PHLDB2: variants seen among roughly 807,000 people sequenced by gnomAD.
The protein encoded by PHLDB2 is pleckstrin homology like domain family B member 2, also known as pleckstrin homology-like domain family B member 2.
PHLDB2 carries 71 observed loss-of-function variants against 123.6 expected under a neutral mutation model. That is an observed-to-expected ratio of 0.57 (90% CI 0.47 to 0.70). The LOEUF (loss-of-function observed/expected upper bound fraction) is 0.70, where lower values mean the gene tolerates loss of function less well. Ranked by LOEUF, PHLDB2 falls within the 30% of genes least tolerant of loss-of-function variation. The pLI is 0.00. For synonymous variants in PHLDB2, 547 were observed against 541.6 expected (o/e 1.01, Z -0.14); for missense variants, 1,446 against 1,519.5 (o/e 0.95, Z 0.80).
chr3:111,849,575 TC>T (rs1343997872), intron 2 of PHLDB2, among the ~76,000 whole-genome samples: 2 of 152,240 alleles, frequency 1.3e-5, no homozygotes, highest in Non-Finnish European at 2.9e-5. Context: ...AAATAGAGCT[TC>T]TTTTGTTTTC....
intron 2 of PHLDB2, among the ~76,000 whole-genome samples, chr3:111,899,071 A>ATCAC (rs1412232512): frequency 6.6e-5 from 10 of 152,222 alleles, no homozygotes; most frequent in Admixed American, 5.2e-4. Context: ...TATCAGCAGA[A>ATCAC]TCACTACCTA....
intron 5 of PHLDB2, among the ~76,000 whole-genome samples, chr3:111,922,755 A>T (rs906184187): frequency 6.6e-6 from 1 of 152,236 alleles, no homozygotes; most frequent in Non-Finnish European, 1.5e-5. Flanking sequence ...CCATTTAATG[A>T]CACAGCTATT....
chr3:111,787,094 A>T (rs1379692818), intron 1 of PHLDB2, among the ~76,000 whole-genome samples: 1 of 152,220 alleles, frequency 6.6e-6, no homozygotes, highest in Non-Finnish European at 1.5e-5. Flanking sequence ...TTTAGTGGTG[A>T]TGACAGCCTA....
chr3:111,885,061 C>T lies in PHLDB2; in HGVS notation c.984C>T (p.Thr328=). The T allele has an allele frequency of 6.2e-7, 1 of 1,614,142 alleles. No homozygotes were observed. Residue 328 remains threonine, a synonymous_variant, in exon 2 of 18, where the codon ACC becomes ACT. Coordinates refer to ENST00000431670, the MANE Select transcript of PHLDB2 (RefSeq NM_001134438.2). ...ASEGNPYVSS[T]LSVPASPRVA... Reference sequence around the variant, plus strand: ...AAGGCAATCCTTATGTAAGTTCTACCCTCAGTGTCCCTGCCAGTCCACGAG... The same window carrying T: ...AAGGCAATCCTTATGTAAGTTCTACTCTCAGTGTCCCTGCCAGTCCACGAG...
At chr3:111,780,402 A>AGAAGAAGAAGAAG (rs751320904) in intron 1 of PHLDB2, among the ~76,000 whole-genome samples, 8 of 145,812 alleles carry the variant, frequency 5.5e-5, no homozygotes, top group Admixed American at 6.9e-5. Context: ...AAGAAGAAGA[A>AGAAGAAGAAGAAG]GAAGAAGAAA....
Position 111,973,769 on chromosome 3 carries a change from T to A in PHLDB2, c.3573T>A (p.Phe1191Leu). 6.2e-7 allele frequency: 1 copy of A among 1,604,488 alleles called. No homozygotes were observed. The highest frequency in any genetic ancestry group is 8.5e-7 in the Non-Finnish European group (1 of 1,173,724). ...HETKLKGVIY[F>L]QAIEEVYYDH... ...CTAAATTGAAAGGAGTAATATACTT[T>A]CAAGCCATTGAAGAAGTCTATTATG... The change falls in exon 17 of 18, where the codon TTT (phenylalanine) becomes TTA (leucine). Residue 1191 changes from phenylalanine (F) to leucine (L), a missense_variant. Phe to Leu is a conservative substitution (Grantham distance 22, BLOSUM62 0). This residue lies in a region of PHLDB2 where 594 missense variants were observed against 646.0 expected (regional missense o/e 0.92). Transcript: ENST00000431670.
At chr3:111,900,029 C>A (rs1481823741) in intron 2 of PHLDB2, among the ~76,000 whole-genome samples, 3 of 152,350 alleles carry the variant, frequency 2.0e-5, no homozygotes, top group Admixed American at 2.0e-4. Flanking sequence ...GAGACAATGT[C>A]TTTCCTTAAA....
intron 2 of PHLDB2, chr3:111,885,804 A>T (rs2066132777): frequency 5.3e-6 from 3 of 568,790 alleles, no homozygotes; most frequent in African/African-American, 3.8e-5. Context: ...TATGAGAAGT[A>T]GTCAGTGAAA....
In PHLDB2 at chr3:111,884,933, C is replaced by G; in HGVS notation, c.856C>G (p.Leu286Val). 6.2e-7 allele frequency: 1 copy of G among 1,614,084 alleles called. No homozygotes were observed. The highest frequency in any genetic ancestry group is 8.5e-7 in the Non-Finnish European group (1 of 1,180,014). ...NSLGNSKRTK[L>V]GEKDLPHSVI... ...TCTGGGCAATTCCAAACGAACAAAACTTGGGGAAAAGGATCTACCTCATAG... is the reference window on the plus strand; with the variant it reads ...TCTGGGCAATTCCAAACGAACAAAAGTTGGGGAAAAGGATCTACCTCATAG... The change falls in exon 2 of 18, where the codon CTT (leucine) becomes GTT (valine). Residue 286 changes from leucine (L) to valine (V), a missense_variant. Transcript: ENST00000431670.
chr3:111,796,255 A>G (rs2108233721), intron 1 of PHLDB2, among the ~76,000 whole-genome samples: 1 of 152,278 alleles, frequency 6.6e-6, no homozygotes, highest in Non-Finnish European at 1.5e-5. Context: ...CATTTTTACT[A>G]GATGTAGTGA....
At chr3:111,842,107 A>C (rs10755070) in intron 1 of PHLDB2, among the ~76,000 whole-genome samples, 149,335 of 152,296 alleles carry the variant, frequency 0.98, 73,289 homozygotes, top group South Asian at 1. Flanking sequence ...GTTATAGTGA[A>C]GTTATAAAGG....
At chr3:111,774,545 G>A (rs2060233554) in intron 1 of PHLDB2, among the ~76,000 whole-genome samples, 1 of 152,170 alleles carries the variant, frequency 6.6e-6, no homozygotes, top group South Asian at 2.1e-4. Context: ...CAGAGTCCTG[G>A]GAAAGGGCAC....
At position 111,864,608 on chromosome 3, in the gene PHLDB2, A is replaced by C. The variant is rs189792995; in HGVS notation, c.-15+5032A>C. 3.8e-3 allele frequency among the ~76,000 whole-genome samples: 580 copies of C among 152,354 alleles called. 3 individuals carry two copies. Among genetic ancestry groups the C allele is most frequent in the African/African-American group, 0.012 (516 of 41,584 alleles). On this transcript the variant is annotated intron_variant, in intron 1 of 17. Transcript: ENST00000431670. ...GGTCAATAAGAGAAACCCAAGTGTA[A>C]AAATCATTTTACTGTTGTGTGGGAA...
intron 13 of PHLDB2, among the ~76,000 whole-genome samples, chr3:111,964,330 A>G (rs1351055717): frequency 6.6e-6 from 1 of 151,920 alleles, no homozygotes; most frequent in Non-Finnish European, 1.5e-5. Flanking sequence ...GAGGTGATAA[A>G]TGTGTTGGTA....
chr3:111,904,076 G>C (rs1045712799), intron 2 of PHLDB2, among the ~76,000 whole-genome samples: 3 of 151,978 alleles, frequency 2.0e-5, no homozygotes, highest in Non-Finnish European at 4.4e-5. Flanking sequence ...TGAGGAGTTC[G>C]AGACCAGCCT....
At chr3:111,913,230 C>T (rs2067988253) in intron 2 of PHLDB2, 89 bp from the exon 3 acceptor site, 18 of 1,376,766 alleles carry the variant, frequency 1.3e-5, no homozygotes, top group Non-Finnish European at 1.7e-5. Flanking sequence ...AATGCAAGCA[C>T]CAGTTGTCCC....
intron 1 of PHLDB2, among the ~76,000 whole-genome samples, chr3:111,831,044 A>AG (rs1383353106): frequency 1.4e-5 from 2 of 147,182 alleles, no homozygotes; most frequent in African/African-American, 2.6e-5. Context: ...GAAGGAAGGA[A>AG]GAAAGAGAAA....
intron 8 of PHLDB2, among the ~76,000 whole-genome samples, chr3:111,943,292 C>G (rs1446791022): frequency 6.6e-6 from 1 of 151,864 alleles, no homozygotes; most frequent in Non-Finnish European, 1.5e-5. Context: ...ACAATTCTTT[C>G]AAAGAAATGA....
chr3:111,969,581 A>G, intron 15 of PHLDB2, 109 bp from the exon 16 acceptor site: 1 of 794,866 alleles, frequency 1.3e-6, no homozygotes, highest in Non-Finnish European at 2.0e-6. Flanking sequence ...TTAATCATAT[A>G]GGCATTTTAA....
Sources: allele counts gnomAD v4.1 joint callset (sites outside exome capture counted in the v4.1 genomes callset), GRCh38; gene constraint gnomAD v4.1.1; regional missense constraint gnomAD v4.1.1; transcripts MANE v1.5; gene names NCBI Gene and HGNC (gene_info 2026-07-23, HGNC 2026-07-21).